The following RAB38 variants were observed in gnomAD, a reference collection of about 807,000 sequenced individuals.
RAB38 encodes ras-related protein Rab-38.
A neutral mutation model predicts 18.4 loss-of-function variants in RAB38; 15 were observed. The ratio of observed to expected loss-of-function variants is 0.82; its 90% CI spans 0.55 to 1.26. The LOEUF (loss-of-function observed/expected upper bound fraction) is 1.26. Among genes scored for constraint, RAB38 ranks in the 50% most tolerant of loss-of-function variants. The pLI is 0.00. For synonymous variants in RAB38, 101 were observed against 104.4 expected, an observed-to-expected ratio of 0.97 and a Z score of 0.20; for missense variants, 294 against 267.4, an observed-to-expected ratio of 1.10 and a Z score of -0.69.
At chr11:87,962,511 G>C in the RAB38 span, among the ~76,000 whole-genome samples, 12 of 151,948 alleles carry the variant, frequency 7.9e-5, no homozygotes, top group African/African-American at 2.9e-4. Context: ...CAGGGGGCAG[G>C]GGGGAAGAAG....
At chr11:88,041,490 T>C in the RAB38 span, among the ~76,000 whole-genome samples, 1 of 152,246 alleles carries the variant, frequency 6.6e-6, no homozygotes, top group South Asian at 2.1e-4. Context: ...TTCAGAGTTT[T>C]ACCCAAATGA....
chr11:87,879,690 A>G, the RAB38 span: 2 of 151,608 alleles, frequency 1.3e-5, no homozygotes, highest in African/African-American at 4.8e-5. Flanking sequence ...CTGGGGTAAA[A>G]CTACCAGTTC....
the RAB38 span, among the ~76,000 whole-genome samples, chr11:88,053,194 T>C: frequency 5.2e-5 from 6 of 115,438 alleles, no homozygotes; most frequent in African/African-American, 1.4e-4. Context: ...TATACACACA[T>C]ATATATGGAA....
chr11:87,962,898 C>T, the RAB38 span, among the ~76,000 whole-genome samples: 16 of 152,098 alleles, frequency 1.1e-4, no homozygotes, highest in South Asian at 3.1e-3. Context: ...TATATCATAA[C>T]ATCACTTTGT....
the RAB38 span, among the ~76,000 whole-genome samples, chr11:87,813,508 C>G: frequency 1.3e-5 from 2 of 148,312 alleles, no homozygotes; most frequent in African/African-American, 5.2e-5. Flanking sequence ...ATCACACACA[C>G]ACACACACAC....
chr11:87,816,737 T>C, the RAB38 span, among the ~76,000 whole-genome samples: 2 of 152,112 alleles, frequency 1.3e-5, no homozygotes, highest in Non-Finnish European at 2.9e-5. Flanking sequence ...TCCTGTATCC[T>C]ATAGACTTTA....
At chr11:88,021,875 C>CT in the RAB38 span, among the ~76,000 whole-genome samples, 4 of 135,212 alleles carry the variant, frequency 3.0e-5, no homozygotes, top group Non-Finnish European at 6.5e-5. Context: ...AAAAAGTATT[C>CT]TTTTTTTATT....
At chr11:87,912,790 C>T in the RAB38 span, among the ~76,000 whole-genome samples, 2,423 of 88,638 alleles carry the variant, frequency 0.027, 32 homozygotes, top group African/African-American at 0.045. Context: ...TTAGTTCCTT[C>T]AGGTAGAAGT....
At chr11:87,967,559 A>T in the RAB38 span, among the ~76,000 whole-genome samples, 1 of 152,178 alleles carries the variant, frequency 6.6e-6, no homozygotes, top group South Asian at 2.1e-4. Context: ...CATAAGCCTA[A>T]TGGTTAAGCC....
chr11:88,014,211 G>A, the RAB38 span, among the ~76,000 whole-genome samples: 2 of 152,048 alleles, frequency 1.3e-5, no homozygotes, highest in Non-Finnish European at 2.9e-5. Context: ...CATATGGTAG[G>A]TAGTTTCAAC....
At chr11:88,161,550 A>G in intron 1 of RAB38, among the ~76,000 whole-genome samples, 1 of 152,110 alleles carries the variant, frequency 6.6e-6, no homozygotes. Flanking sequence ...CGATATTGCA[A>G]AACCCGAGGC....
chr11:87,941,914 C>A, the RAB38 span, among the ~76,000 whole-genome samples: 1 of 152,148 alleles, frequency 6.6e-6, no homozygotes, highest in East Asian at 1.9e-4. Flanking sequence ...AAGCTCTCCT[C>A]TCAGGATCAT....
At chr11:88,044,317 C>T in the RAB38 span, among the ~76,000 whole-genome samples, 2 of 152,100 alleles carry the variant, frequency 1.3e-5, no homozygotes, top group South Asian at 2.1e-4. Flanking sequence ...TGTCTCTACC[C>T]CTTCTCCACT....
the RAB38 span, among the ~76,000 whole-genome samples, chr11:88,040,121 C>T: frequency 2.6e-5 from 4 of 152,162 alleles, no homozygotes; most frequent in African/African-American, 9.7e-5. Context: ...ACTCTACAAC[C>T]TTTGCTGTGT....
At chr11:87,943,574 C>T in the RAB38 span, among the ~76,000 whole-genome samples, 6 of 152,084 alleles carry the variant, frequency 3.9e-5, no homozygotes, top group Non-Finnish European at 8.8e-5. Context: ...TAGTGAAATA[C>T]ACGTAATAAT....
chr11:88,120,429 C>G (rs1202507862), intron 2 of RAB38, among the ~76,000 whole-genome samples: 1 of 152,126 alleles, frequency 6.6e-6, no homozygotes, highest in Non-Finnish European at 1.5e-5. Flanking sequence ...TGTACTTTAC[C>G]ATGGTATCTC....
At chr11:87,867,942 G>T in the RAB38 span, among the ~76,000 whole-genome samples, 1 of 151,642 alleles carries the variant, frequency 6.6e-6, no homozygotes. Flanking sequence ...ACTATGTATT[G>T]TCTCACACTT....
intron 2 of RAB38, among the ~76,000 whole-genome samples, chr11:88,125,567 C>T (rs1156376028): frequency 6.6e-6 from 1 of 151,934 alleles, no homozygotes; most frequent in Non-Finnish European, 1.5e-5. Context: ...CATAGAAAGA[C>T]TCAGAACTTG....
the RAB38 span, among the ~76,000 whole-genome samples, chr11:87,949,040 G>A: frequency 4.7e-4 from 72 of 152,214 alleles, no homozygotes; most frequent in African/African-American, 1.7e-3. Context: ...TGGTTGGTAA[G>A]CTATTGATTA....
Sources: gnomAD v4.1 joint callset for allele counts (sites outside exome capture counted in the v4.1 genomes callset) on GRCh38, gnomAD v4.1.1 for gene constraint, MANE v1.5 for transcripts, NCBI Gene and HGNC (gene_info 2026-07-23, HGNC 2026-07-21) for gene names.